Variants in PLB1 observed in about 807,000 individuals in gnomAD.
The protein encoded by PLB1 is phospholipase B1.
PLB1 carries 242 observed loss-of-function variants against 227.4 expected under a neutral mutation model. That is an observed-to-expected ratio of 1.06 (90% confidence interval 0.96 to 1.18). PLB1 has a LOEUF of 1.18. Ranked by LOEUF, PLB1 falls within the 50% of genes most tolerant of loss-of-function variation. PLB1 has a pLI of 0.00. For missense variants in PLB1, 1,858 were observed against 1,816.3 expected (o/e 1.02, Z -0.42); for synonymous variants, 757 against 682.2 (o/e 1.11, Z -1.71).
At chr2:28,579,119 G>T (rs185133282) in intron 22 of PLB1, among the ~76,000 whole-genome samples, 359 of 152,316 alleles carry the variant, frequency 2.4e-3, no homozygotes, top group African/African-American at 8.4e-3. Context: ...ACCCTACTCA[G>T]CCTCTCTGGC....
intron 51 of PLB1, among the ~76,000 whole-genome samples, chr2:28,626,926 AGTG>A (rs1248040472): frequency 7.2e-5 from 11 of 152,236 alleles, no homozygotes; most frequent in African/African-American, 2.2e-4. Flanking sequence ...ACCAAACCTC[AGTG>A]GTGGCCCTGG....
intron 18 of PLB1, 98 bp downstream of exon 18, chr2:28,563,197 C>A: frequency 8.3e-7 from 1 of 1,200,088 alleles, no homozygotes; most frequent in Non-Finnish European, 1.2e-6. Flanking sequence ...TCACGCCTGG[C>A]TCTTAGATGC....
intron 50 of PLB1, among the ~76,000 whole-genome samples, chr2:28,625,901 C>T (rs375269861): frequency 8.0e-5 from 12 of 150,814 alleles, no homozygotes; most frequent in Non-Finnish European, 1.6e-4. Flanking sequence ...CCCCGTCCCC[C>T]GCCAGCGCCC....
intron 25 of PLB1, 130 bp from the exon 26 acceptor site, chr2:28,585,631 C>T (rs953128714): frequency 1.0e-5 from 8 of 765,220 alleles, no homozygotes; most frequent in South Asian, 1.6e-5. Context: ...CAGCCAGGCT[C>T]CTCATTAGCA....
At chr2:28,508,124 C>G (rs570204955) in intron 1 of PLB1, among the ~76,000 whole-genome samples, 6 of 152,212 alleles carry the variant, frequency 3.9e-5, no homozygotes, top group South Asian at 2.1e-4. Context: ...TTTCTATAAC[C>G]TTCTTTCAAA....
intron 21 of PLB1, among the ~76,000 whole-genome samples, chr2:28,575,673 C>T (rs372249266): frequency 2.5e-4 from 38 of 152,272 alleles, no homozygotes; most frequent in South Asian, 2.3e-3. Flanking sequence ...CAGGTTCAAG[C>T]GATTCTCCTG....
chr2:28,563,683 A>C (rs186477991), intron 18 of PLB1, among the ~76,000 whole-genome samples: 23 of 152,254 alleles, frequency 1.5e-4, no homozygotes, highest in Non-Finnish European at 7.4e-5. Context: ...CCTGCAAAGC[A>C]CTATCCATGA....
intron 1 of PLB1, among the ~76,000 whole-genome samples, chr2:28,498,356 TG>T (rs1254596778): frequency 1.3e-5 from 2 of 150,918 alleles, no homozygotes; most frequent in Middle Eastern, 3.2e-3. Context: ...CCCAAGTAGC[TG>T]GGACCACACA....
intron 56 of PLB1, among the ~76,000 whole-genome samples, chr2:28,633,735 C>T (rs149666777): frequency 8.5e-5 from 13 of 152,342 alleles, no homozygotes; most frequent in Middle Eastern, 3.4e-3. Flanking sequence ...GAATGGTTTC[C>T]GCACAGCACT....
Position 28,589,563 on chromosome 2 carries a change from A to C in PLB1, c.1920+9A>C. 1 of 1,613,860 alleles carries C rather than the reference A, an allele frequency of 6.2e-7. No individual in the cohort carries two copies. Among genetic ancestry groups the C allele is most frequent in the South Asian group, 1.1e-5 (1 of 91,070 alleles). ...ACATGCCAAAGACCTCGGTAAAGAA[A>C]GCAAGCATCGTAGAAAAATAGAATC... On this transcript the variant is annotated intron_variant, in intron 27 of 57. Transcript: ENST00000327757.
intron 50 of PLB1, 25 bp downstream of exon 50, chr2:28,625,133 C>A: frequency 1.2e-6 from 2 of 1,605,374 alleles, no homozygotes; most frequent in Non-Finnish European, 1.7e-6. Flanking sequence ...CCAGGCCACC[C>A]CTGAAAGGTG....
chr2:28,543,779 C>T (rs1395553362), intron 14 of PLB1, among the ~76,000 whole-genome samples: 2 of 152,222 alleles, frequency 1.3e-5, no homozygotes, highest in African/African-American at 4.8e-5. Flanking sequence ...TCCAGGTCAG[C>T]CCCTGGCCCA....
chr2:28,623,027 G>C (rs1048127037), intron 49 of PLB1, among the ~76,000 whole-genome samples: 18 of 145,086 alleles, frequency 1.2e-4, no homozygotes, highest in Non-Finnish European at 2.6e-4. Flanking sequence ...TGCTGGGTAT[G>C]GCAACAATGC....
chr2:28,576,127 G>A (rs1467154903), intron 21 of PLB1, among the ~76,000 whole-genome samples: 1 of 152,144 alleles, frequency 6.6e-6, no homozygotes, highest in Non-Finnish European at 1.5e-5. Flanking sequence ...GAGGCCTTGG[G>A]GCTCTTTCAT....
chr2:28,548,202 G>C (rs963034556), intron 14 of PLB1, among the ~76,000 whole-genome samples: 2 of 152,180 alleles, frequency 1.3e-5, no homozygotes, highest in Admixed American at 6.5e-5. Context: ...AGTTCTCAGG[G>C]AACAGAGGGT....
At position 28,518,552 on chromosome 2, in the gene PLB1, G is replaced by T. The variant is rs772713156; in HGVS notation, c.184+20G>T. 6 of 1,594,486 alleles carry T rather than the reference G, an allele frequency of 3.8e-6. No homozygotes were observed. The East Asian group carries it at 8.9e-5, about 24-fold the overall frequency. On this transcript the variant is annotated intron_variant, in intron 3 of 57. Transcript: ENST00000327757. ...AATCAGGTATGTAACCCTTGGCCATGAGCAGGAAAAGCCTGGCGTTTTCTC... is the reference window on the plus strand; with the variant it reads ...AATCAGGTATGTAACCCTTGGCCATTAGCAGGAAAAGCCTGGCGTTTTCTC...
At chr2:28,576,716 C>A (rs150826261) in intron 21 of PLB1, among the ~76,000 whole-genome samples, 1 of 152,096 alleles carries the variant, frequency 6.6e-6, no homozygotes, top group African/African-American at 2.4e-5. Flanking sequence ...GGCGATAGCA[C>A]GAGACTCAGT....
At chr2:28,556,387 G>A (rs1040410778) in intron 17 of PLB1, among the ~76,000 whole-genome samples, 5 of 152,164 alleles carry the variant, frequency 3.3e-5, no homozygotes, top group Admixed American at 1.3e-4. Flanking sequence ...CCTAGGATGA[G>A]ATACATAGAG....
intron 12 of PLB1, 74 bp downstream of exon 12, chr2:28,540,515 G>C (rs1260169366): frequency 1.6e-6 from 2 of 1,225,876 alleles, no homozygotes; most frequent in Non-Finnish European, 2.4e-6. Context: ...AGGAGTGATA[G>C]GGACAATTAG....
Sources: allele counts gnomAD v4.1 joint callset (sites outside exome capture counted in the v4.1 genomes callset), GRCh38; gene constraint gnomAD v4.1.1; transcripts MANE v1.5; gene names NCBI Gene and HGNC (gene_info 2026-07-23, HGNC 2026-07-21).